Variants in ADRA2B observed in about 807,000 individuals in gnomAD.
ADRA2B encodes the protein adrenoceptor alpha 2B, also known as alpha-2B adrenergic receptor.
ADRA2B carries 14 observed loss-of-function variants against 14.4 expected under a neutral mutation model. The observed-to-expected ratio is 0.97, with a 90% CI of 0.64 to 1.52. The LOEUF is 1.52. Ranked by LOEUF, ADRA2B falls within the 40% of genes most tolerant of loss-of-function variation. The pLI, the probability that ADRA2B is intolerant of heterozygous loss-of-function variation, is 0.00. For synonymous variants in ADRA2B, 250 were observed against 263.7 expected (o/e 0.95, Z 0.50); for missense variants, 606 against 603.2 (o/e 1.00, Z -0.05).
At position 96,113,734 on chromosome 2, in the gene ADRA2B, G is replaced by T; in HGVS notation, c.*1063C>A. On this transcript the variant is annotated 3_prime_UTR_variant, in exon 1 of 1. Transcript: ENST00000620793. ...AAATGTCGAAACGTTGTCATGTAGC[G>T]TAATAACTCAGACCTTTGCAGCCAG... 1 of 266,264 alleles carries T rather than the reference G, an allele frequency of 3.8e-6. No homozygotes were observed. The highest frequency in any genetic ancestry group is 5.8e-6 in the Non-Finnish European group (1 of 172,488). The allele number at this position is 266,264 out of a possible 1,614,324, so 16.5% of individuals were successfully genotyped here.
Position 96,116,111 on chromosome 2 carries a change from C to A in ADRA2B, c.39G>T (p.Ala13=). 4 of 1,612,092 alleles carry A rather than the reference C, an allele frequency of 2.5e-6. No homozygotes were observed. The highest frequency in any genetic ancestry group is 3.4e-6 in the Non-Finnish European group (4 of 1,179,408). ...HQDPYSVQAT[A]AIAAAITFLI... is the part of the protein sequence containing the mutation. Reference sequence around the variant, plus strand: ...GGAAGGTGATGGCCGCCGCTATGGCCGCTGTGGCCTGCACGGAGTAGGGGT... The same window carrying A: ...GGAAGGTGATGGCCGCCGCTATGGCAGCTGTGGCCTGCACGGAGTAGGGGT... The change falls in exon 1 of 1, where the codon GCG becomes GCT. Residue 13 remains alanine, a synonymous_variant. Transcript: ENST00000620793.
rs370495632 is a variant in ADRA2B at position 96,115,149 on chromosome 2, C to T, written c.1001G>A (p.Arg334Gln). 7 of 1,590,018 alleles carry T rather than the reference C, an allele frequency of 4.4e-6. No homozygotes were observed. The highest frequency in any genetic ancestry group is 6.0e-6 in the Non-Finnish European group (7 of 1,168,644). The change falls in exon 1 of 1, where the codon CGG (arginine) becomes CAG (glutamine). Residue 334 changes from arginine to glutamine, a missense_variant. Coordinates refer to ENST00000620793, the MANE Select transcript of ADRA2B (RefSeq NM_000682.7). The stretch of plus-strand genomic sequence containing the variant: ...CTGGCCACGTAGGGTGGCCAGCACC[C>T]GGGAGCCCTGTGGCTGCTGCAGCGG... Reference protein sequence around the residue: ...SPPLQQPQGSRVLATLRGQVL... With the variant: ...SPPLQQPQGSQVLATLRGQVL...
Position 96,113,702 on chromosome 2 carries a change from GC to G in ADRA2B, c.*1094del, listed in dbSNP as rs1465901848. The G allele has an allele frequency of 5.3e-6, 1 of 188,468 alleles. No individual in the cohort carries two copies. Among genetic ancestry groups the G allele is most frequent in the East Asian group, 1.9e-4 (1 of 5,362 alleles). The allele number at this position is 188,468 out of a possible 1,614,324, so 11.7% of individuals were successfully genotyped here. A position where few individuals can be genotyped will look rare whatever the true frequency, so the allele number is the denominator to read the frequency against. ...AGCCACTAAAAACCCTCTTGGTGTT[GC>G]CGGTGAAATGTCGAAACGTTGTCAT... On this transcript the variant is annotated 3_prime_UTR_variant, in exon 1 of 1. Transcript: ENST00000620793.
chr2:96,113,156 C>T lies in ADRA2B; in HGVS notation c.*1641G>A, dbSNP rs369917442. ...TTTTTGGTCCCCTCCATTCTCTCTA[C>T]ACCCAGAAAACTCCCTCGGTGCCCT... is the stretch of plus-strand genomic sequence containing the variant. On this transcript the variant is annotated 3_prime_UTR_variant, in exon 1 of 1. Transcript: ENST00000620793. The T allele has an allele frequency of 2.5e-6, 1 of 398,598 alleles. No homozygotes were observed. The highest frequency in any genetic ancestry group is 4.4e-6 in the Non-Finnish European group (1 of 226,146). 24.7% of individuals were successfully genotyped at this position (398,598 alleles called of 1,614,324 possible). A position where few individuals can be genotyped will look rare whatever the true frequency, so the allele number is the denominator to read the frequency against.
At position 96,115,105 on chromosome 2, in the gene ADRA2B, C is replaced by T. The variant is rs567759597; in HGVS notation, c.1045G>A (p.Val349Met). The change falls in exon 1 of 1, where the codon GTG becomes ATG. Residue 349 changes from valine to methionine, a missense_variant. Coordinates refer to ENST00000620793, the MANE Select transcript of ADRA2B (RefSeq NM_000682.7). The part of the protein sequence containing the change: ...LRGQVLLGRG[V>M]GAIGGQWWRR... ...CACCACTGCCCACCTATAGCACCCA[C>T]GCCCCTGCCCAGGAGCACCTGGCCA... 40 of 1,611,742 alleles carry T rather than the reference C, an allele frequency of 2.5e-5. No individual in the cohort carries two copies. The highest frequency in any genetic ancestry group is 1.5e-4 in the Admixed American group (9 of 59,644).
At position 96,116,152 on chromosome 2, in the gene ADRA2B, C is replaced by A; in HGVS notation, c.-3G>T. The A allele has an allele frequency of 1.2e-6, 2 of 1,606,774 alleles. No individual in the cohort carries two copies. The highest frequency in any genetic ancestry group is 1.7e-6 in the Non-Finnish European group (2 of 1,177,434). On this transcript the variant is annotated 5_prime_UTR_variant, in exon 1 of 1. Coordinates refer to ENST00000620793, the MANE Select transcript of ADRA2B (RefSeq NM_000682.7). ...GAGTAGGGGTCCTGGTGGTCCATGA[C>A]GGGGCGGGAGGTGGGCAGAGGGAGC...
chr2:96,115,540 G>T lies in ADRA2B; in HGVS notation c.610C>A (p.Arg204Ser), dbSNP rs908202444. 1.9e-6 allele frequency: 3 copies of T among 1,613,728 alleles called. No individual in the cohort carries two copies. Among genetic ancestry groups the T allele is most frequent in the Non-Finnish European group, 2.5e-6 (3 of 1,179,888 alleles). ...RIYLIAKRSNRRGPRAKGGPG... is the reference protein window; with the variant it reads ...RIYLIAKRSNSRGPRAKGGPG... The stretch of plus-strand genomic sequence containing the variant: ...CCCCCCTTGGCCCTGGGACCTCTGC[G>T]GTTGCTGCGTTTGGCGATCAGGTAG... The change falls in exon 1 of 1, where the codon CGC becomes AGC. Residue 204 changes from arginine to serine, a missense_variant. Transcript: ENST00000620793.
rs1041827792 is a variant in ADRA2B at position 96,113,547 on chromosome 2, C to T, written c.*1250G>A. On this transcript the variant is annotated 3_prime_UTR_variant, in exon 1 of 1. Transcript: ENST00000620793. The stretch of plus-strand genomic sequence containing the variant: ...CCAGGCTCTGATGCCAGTACCCCAC[C>T]TGGGGGCGCTGCCACCTGTCACAGG... 5.7e-6 allele frequency: 1 copy of T among 175,426 alleles called. No homozygotes were observed. The highest frequency in any genetic ancestry group is 1.2e-5 in the Non-Finnish European group (1 of 83,928). 10.9% of individuals were successfully genotyped at this position (175,426 alleles called of 1,614,324 possible).
rs1681833190 is a variant in ADRA2B at position 96,115,082 on chromosome 2, C to T, written c.1068G>A (p.Trp356Ter). The T allele has an allele frequency of 6.2e-7, 1 of 1,612,638 alleles. No individual in the cohort carries two copies. The highest frequency in any genetic ancestry group is 1.1e-5 in the South Asian group (1 of 90,984). The change falls in exon 1 of 1, where the codon TGG (tryptophan) becomes TGA (stop). Residue 356 changes from tryptophan (W) to a stop codon, truncating the protein, a stop_gained. Transcript: ENST00000620793. LOFTEE classifies it high-confidence loss of function. ...GGGTCAGCTGCGCCCGTCGACGCCA[C>T]CACTGCCCACCTATAGCACCCACGC... ...GRGVGAIGGQ[W>*]WRRRAQLTRE...
In ADRA2B at chr2:96,114,253, C is replaced by T. The variant is rs1361281678; in HGVS notation, c.*544G>A. On this transcript the variant is annotated 3_prime_UTR_variant, in exon 1 of 1. Coordinates refer to ENST00000620793, the MANE Select transcript of ADRA2B (RefSeq NM_000682.7). ...AGAGACGATGCCACCCCATAAGCCC[C>T]CATCCCAGCGCCTGCCAGGGACCGC... 3.0e-6 allele frequency: 3 copies of T among 987,992 alleles called. No homozygotes were observed. The highest frequency in any genetic ancestry group is 5.9e-5 in the Admixed American group (1 of 16,920). 61.2% of individuals were successfully genotyped at this position (987,992 alleles called of 1,614,324 possible).
Position 96,116,107 on chromosome 2 carries a change from T to C in ADRA2B, c.43A>G (p.Ile15Val), listed in dbSNP as rs1257339420. The C allele has an allele frequency of 1.9e-6, 3 of 1,612,024 alleles. No homozygotes were observed. The highest frequency in any genetic ancestry group is 2.5e-6 in the Non-Finnish European group (3 of 1,179,358). The stretch of plus-strand genomic sequence containing the variant: ...ATGAGGAAGGTGATGGCCGCCGCTA[T>C]GGCCGCTGTGGCCTGCACGGAGTAG... ...DPYSVQATAA[I>V]AAAITFLILF... Residue 15 changes from isoleucine (I) to valine (V), a missense_variant, in exon 1 of 1, where the codon ATA becomes GTA. Ile to Val is a conservative substitution (Grantham distance 29). Coordinates refer to ENST00000620793, the MANE Select transcript of ADRA2B (RefSeq NM_000682.7).
In ADRA2B at chr2:96,114,357, G is replaced by C; in HGVS notation, c.*440C>G. The C allele has an allele frequency of 1.0e-6, 1 of 997,422 alleles. No homozygotes were observed. Among genetic ancestry groups the C allele is most frequent in the Non-Finnish European group, 1.2e-6 (1 of 836,614 alleles). 61.8% of individuals were successfully genotyped at this position (997,422 alleles called of 1,614,324 possible). ...GCCCCACTGGGAAAAGTGGAAGGCTGGCTCCGTGCTCTTTGTGGGTGGGGG... is the reference window on the plus strand; with the variant it reads ...GCCCCACTGGGAAAAGTGGAAGGCTCGCTCCGTGCTCTTTGTGGGTGGGGG... On this transcript the variant is annotated 3_prime_UTR_variant, in exon 1 of 1. Transcript: ENST00000620793.
In ADRA2B at chr2:96,115,436, G is replaced by A. The variant is rs765069734; in HGVS notation, c.714C>T (p.Ala238=). Residue 238 remains alanine, a synonymous_variant, in exon 1 of 1, where the codon GCC becomes GCT. Coordinates refer to ENST00000620793, the MANE Select transcript of ADRA2B (RefSeq NM_000682.7). ...ALASAKLPAL[A]SVASAREVNG... ...TGACCTCTCTGGCAGAAGCCACAGA[G>A]GCCAGGGCTGGCAGTTTGGCTGAGG... 1 of 1,612,698 alleles carries A rather than the reference G, an allele frequency of 6.2e-7. No homozygotes were observed. The highest frequency in any genetic ancestry group is 8.5e-7 in the Non-Finnish European group (1 of 1,179,276).
chr2:96,113,539 T>G lies in ADRA2B; in HGVS notation c.*1258A>C. ...GGGGCGCACCAGGCTCTGATGCCAG[T>G]ACCCCACCTGGGGGCGCTGCCACCT... On this transcript the variant is annotated 3_prime_UTR_variant, in exon 1 of 1. Coordinates refer to ENST00000620793, the MANE Select transcript of ADRA2B (RefSeq NM_000682.7). 5.6e-6 allele frequency: 1 copy of G among 178,766 alleles called. No individual in the cohort carries two copies. Among genetic ancestry groups the G allele is most frequent in the Non-Finnish European group, 1.2e-5 (1 of 85,996 alleles). 11.1% of individuals were successfully genotyped at this position (178,766 alleles called of 1,614,324 possible).
At position 96,115,296 on chromosome 2, in the gene ADRA2B, T is replaced by C. The variant is rs1260862560; in HGVS notation, c.854A>G (p.Lys285Arg). ...TGGAGATGCCCCACAAACACCCTCC[T>C]TCTGGCCCTGGCCTGAGTTGGGAAG... ...AALPNSGQGQ[K>R]EGVCGASPED... is the part of the protein sequence containing the mutation. The change falls in exon 1 of 1, where the codon AAG becomes AGG. Residue 285 changes from lysine (K) to arginine (R), a missense_variant. Lys to Arg is a conservative substitution (Grantham distance 26, BLOSUM62 2). Coordinates refer to ENST00000620793, the MANE Select transcript of ADRA2B (RefSeq NM_000682.7). 2 of 1,585,330 alleles carry C rather than the reference T, an allele frequency of 1.3e-6. No individual in the cohort carries two copies. The highest frequency in any genetic ancestry group is 1.4e-5 in the African/African-American group (1 of 74,040).
Position 96,114,834 on chromosome 2 carries a change from C to A in ADRA2B, c.1316G>T (p.Arg439Met). 1 of 1,613,848 alleles carries A rather than the reference C, an allele frequency of 6.2e-7. No individual in the cohort carries two copies. Among genetic ancestry groups the A allele is most frequent in the South Asian group, 1.1e-5 (1 of 91,064 alleles). ...FNQDFRRAFR[R>M]ILCRPWTQTA... ...CTGGGTCCACGGGCGGCACAGGATC[C>A]TCCGGAAGGCACGGCGGAAGTCCTG... Residue 439 changes from arginine (R) to methionine (M), a missense_variant, in exon 1 of 1, where the codon AGG becomes ATG. Arg to Met is a moderately conservative substitution (Grantham distance 91). Transcript: ENST00000620793.
chr2:96,113,800 G>T lies in ADRA2B; in HGVS notation c.*997C>A. On this transcript the variant is annotated 3_prime_UTR_variant, in exon 1 of 1. Coordinates refer to ENST00000620793, the MANE Select transcript of ADRA2B (RefSeq NM_000682.7). ...AAGAGATCCTTTAACTTGAAATAGT[G>T]ATTCTGTCTGCCACTCCCGGCTTCC... 1.6e-6 allele frequency: 1 copy of T among 626,462 alleles called. No individual in the cohort carries two copies. Among genetic ancestry groups the T allele is most frequent in the Non-Finnish European group, 2.0e-6 (1 of 502,006 alleles). The allele number at this position is 626,462 out of a possible 1,614,324, so 38.8% of individuals were successfully genotyped here. A position where few individuals can be genotyped will look rare whatever the true frequency, so the allele number is the denominator to read the frequency against.
At position 96,116,259 on chromosome 2, in the gene ADRA2B, G is replaced by A. The variant is rs1160775048; in HGVS notation, c.-110C>T. 1 of 973,870 alleles carries A rather than the reference G, an allele frequency of 1.0e-6. No individual in the cohort carries two copies. The highest frequency in any genetic ancestry group is 1.5e-5 in the South Asian group (1 of 68,406). The allele number at this position is 973,870 out of a possible 1,614,324, so 60.3% of individuals were successfully genotyped here. A position where few individuals can be genotyped will look rare whatever the true frequency, so the allele number is the denominator to read the frequency against. On this transcript the variant is annotated 5_prime_UTR_variant, in exon 1 of 1. Coordinates refer to ENST00000620793, the MANE Select transcript of ADRA2B (RefSeq NM_000682.7). The stretch of plus-strand genomic sequence containing the variant: ...AGCGTCGCCCCTCGGGCGGCGCCGA[G>A]GGCGCTGGAGCCCCATGGCCTGGAC...
At position 96,113,589 on chromosome 2, in the gene ADRA2B, T is replaced by C. The variant is rs753780141; in HGVS notation, c.*1208A>G. On this transcript the variant is annotated 3_prime_UTR_variant, in exon 1 of 1. Coordinates refer to ENST00000620793, the MANE Select transcript of ADRA2B (RefSeq NM_000682.7). ...TGTCACAGGCTCTCATCTTAGACTG[T>C]TGCCGAGGTGTGGATATTTTGAGCT... 6.9e-5 allele frequency: 11 copies of C among 160,474 alleles called. 1 individual carries two copies. Among genetic ancestry groups the C allele is most frequent in the Non-Finnish European group, 1.4e-4 (10 of 73,938 alleles). 9.9% of individuals were successfully genotyped at this position (160,474 alleles called of 1,614,324 possible). A position where few individuals can be genotyped will look rare whatever the true frequency, so the allele number is the denominator to read the frequency against.
Sources: allele counts gnomAD v4.1 joint callset, GRCh38; gene constraint gnomAD v4.1.1; transcripts MANE v1.5; gene names NCBI Gene and HGNC (gene_info 2026-07-23, HGNC 2026-07-21).